The following IPCEF1 variants were observed in gnomAD, a reference collection of about 807,000 sequenced individuals.
IPCEF1 encodes interactor protein for cytohesin exchange factors 1.
IPCEF1 carries 31 observed loss-of-function variants against 50.9 expected under a neutral mutation model. The ratio of observed to expected loss-of-function variants is 0.61; its 90% confidence interval spans 0.46 to 0.82. The LOEUF (loss-of-function observed/expected upper bound fraction) is 0.82, where lower values mean the gene tolerates loss of function less well. IPCEF1 is among the 40% of genes least tolerant of loss of function. The probability of loss-of-function intolerance (pLI) is 0.00; values close to 1 mark genes in which losing one functional copy is unlikely to be tolerated. For synonymous variants in IPCEF1, 181 were observed against 192.0 expected, an observed-to-expected ratio of 0.94 and a Z score of 0.47; for missense variants, 458 against 514.0, an observed-to-expected ratio of 0.89 and a Z score of 1.05.
At chr6:154,223,287 CT>C in intron 5 of IPCEF1, 44 bp from the exon 6 acceptor site, 1 of 1,457,056 alleles carries the variant, frequency 6.9e-7, no homozygotes, top group East Asian at 2.3e-5. Flanking sequence ...TGCATCAATC[CT>C]GGGGATTAGT....
intron 2 of IPCEF1, among the ~76,000 whole-genome samples, chr6:154,274,268 GA>G (rs1396184376): frequency 6.6e-6 from 1 of 151,902 alleles, no homozygotes; most frequent in Non-Finnish European, 1.5e-5. Context: ...TTCAAACAGA[GA>G]AACTATGATG....
intron 3 of IPCEF1, among the ~76,000 whole-genome samples, chr6:154,248,497 T>C (rs989165542): frequency 2.0e-5 from 3 of 152,204 alleles, no homozygotes; most frequent in Admixed American, 2.0e-4. Flanking sequence ...AGTTCCAAAA[T>C]TTGGTATGTA....
At position 154,246,731 on chromosome 6, in the gene IPCEF1, A is replaced by C. The variant is rs375984465; in HGVS notation, c.106T>G (p.Ser36Ala). 3 of 1,613,876 alleles carry C rather than the reference A, an allele frequency of 1.9e-6. No homozygotes were observed. In the African/African-American group the frequency reaches 4.0e-5, roughly 22 times the overall value. The change falls in exon 5 of 12, where the codon TCG (serine) becomes GCG (alanine). Residue 36 changes from serine to alanine, a missense_variant. Transcript: ENST00000367220. Reference sequence around the variant, plus strand: ...TCAGCATGGCCCAGATCTTTACACGATATCCTCCTCCGACTCATCGTGAGA... The same window carrying C: ...TCAGCATGGCCCAGATCTTTACACGCTATCCTCCTCCGACTCATCGTGAGA... ...GFLTMSRRRI[S>A]CKDLGHADCQ...
At chr6:154,347,436 C>G (rs1784052793) in intron 1 of IPCEF1, among the ~76,000 whole-genome samples, 1 of 152,152 alleles carries the variant, frequency 6.6e-6, no homozygotes, top group African/African-American at 2.4e-5. Flanking sequence ...ACAGCACTTC[C>G]TAGAGCTATT....
chr6:154,322,925 C>T (rs968328686), intron 1 of IPCEF1, among the ~76,000 whole-genome samples: 1 of 152,004 alleles, frequency 6.6e-6, no homozygotes, highest in African/African-American at 2.4e-5. Flanking sequence ...ATGAACTATA[C>T]TTGAAATCTC....
intron 2 of IPCEF1, among the ~76,000 whole-genome samples, chr6:154,276,208 AGAGAG>A: frequency 6.6e-6 from 1 of 151,360 alleles, no homozygotes; most frequent in East Asian, 2.0e-4. Flanking sequence ...AAAGAGAAAA[AGAGAG>A]AGAGAGAGAA....
chr6:154,321,702 C>T (rs148238579), intron 1 of IPCEF1, among the ~76,000 whole-genome samples: 37 of 147,748 alleles, frequency 2.5e-4, no homozygotes, highest in African/African-American at 8.7e-4. Context: ...ATTGCTTGAA[C>T]CTGGGAGGCA....
intron 2 of IPCEF1, among the ~76,000 whole-genome samples, chr6:154,283,046 C>T (rs1211858751): frequency 1.3e-5 from 2 of 151,950 alleles, no homozygotes; most frequent in East Asian, 3.9e-4. Flanking sequence ...GTAATCCCAG[C>T]ACTTTGGGAG....
rs1465851368 is a variant in IPCEF1 at position 154,158,909 on chromosome 6, T to A, written c.*919A>T. 6.6e-6 allele frequency: 1 copy of A among 151,786 alleles called. No individual in the cohort carries two copies. Among genetic ancestry groups the A allele is most frequent in the Non-Finnish European group, 1.5e-5 (1 of 68,040 alleles). 9.4% of individuals were successfully genotyped at this position (151,786 alleles called of 1,614,324 possible). On this transcript the variant is annotated 3_prime_UTR_variant, in exon 12 of 12. Transcript: ENST00000367220. ...CTTTTGTTGCTTCCATGGGTTTTTG[T>A]TTTTTTGTTTTTTTGAGTAAAGATA...
intron 1 of IPCEF1, among the ~76,000 whole-genome samples, chr6:154,302,726 C>T (rs1019753669): frequency 1.3e-5 from 2 of 152,056 alleles, no homozygotes; most frequent in Non-Finnish European, 2.9e-5. Flanking sequence ...CCCCCAGCCT[C>T]GGCCTCCCAA....
chr6:154,225,955 C>G (rs775081252), intron 5 of IPCEF1, among the ~76,000 whole-genome samples: 10 of 152,180 alleles, frequency 6.6e-5, no homozygotes, highest in Non-Finnish European at 1.0e-4. Flanking sequence ...TAATTGAACT[C>G]TAAGTGACGC....
intron 1 of IPCEF1, among the ~76,000 whole-genome samples, chr6:154,344,649 T>C (rs999773076): frequency 3.3e-5 from 5 of 152,136 alleles, no homozygotes; most frequent in Admixed American, 6.5e-5. Flanking sequence ...CCAACTACCA[T>C]CACAGATGGC....
chr6:154,244,457 A>T (rs1017218053), intron 5 of IPCEF1, among the ~76,000 whole-genome samples: 1 of 152,154 alleles, frequency 6.6e-6, no homozygotes, highest in Non-Finnish European at 1.5e-5. Context: ...TCTCCATTCA[A>T]TGCTGCTAAT....
At chr6:154,222,967 C>T (rs1443994356) in intron 6 of IPCEF1, 7 of 592,554 alleles carry the variant, frequency 1.2e-5, no homozygotes, top group Admixed American at 5.7e-5. Context: ...TTTTAAAATC[C>T]ATCTGCTCCA....
In IPCEF1 at chr6:154,186,529, C is replaced by T. The variant is rs565864653; in HGVS notation, c.910+13139G>A. ...GCAGATGCTCCCTCATGTCCGTGCA[C>T]GGAGCCAGAGCAGCTCCTTTCTTTC... On this transcript the variant is annotated intron_variant, in intron 10 of 11. Transcript: ENST00000367220. Among the ~76,000 whole-genome samples, 5 of 152,208 alleles carry T rather than the reference C, an allele frequency of 3.3e-5. No individual in the cohort carries two copies. The East Asian group carries it at 7.7e-4, about 24-fold the overall frequency.
At chr6:154,279,343 A>AAAAGGGTATAAAAAGGGT (rs1782150971) in intron 2 of IPCEF1, among the ~76,000 whole-genome samples, 1 of 152,218 alleles carries the variant, frequency 6.6e-6, no homozygotes, top group Non-Finnish European at 1.5e-5. Context: ...AAAGGGTATA[A>AAAAGGGTATAAAAAGGGT]ATAAATGGAA....
intron 5 of IPCEF1, among the ~76,000 whole-genome samples, chr6:154,236,802 A>C (rs960423317): frequency 2.0e-5 from 3 of 152,172 alleles, no homozygotes; most frequent in African/African-American, 7.2e-5. Context: ...CCTCAGCATC[A>C]GGGTAGAATC....
intron 9 of IPCEF1, among the ~76,000 whole-genome samples, chr6:154,204,463 T>G (rs1462347220): frequency 6.6e-6 from 1 of 152,104 alleles, no homozygotes. Context: ...AAACAAAAAA[T>G]AAACCAGTCA....
In IPCEF1 at chr6:154,312,197, A is replaced by G. The variant is rs558180038; in HGVS notation, c.-61-22441T>C. 5.3e-5 allele frequency among the ~76,000 whole-genome samples: 8 copies of G among 152,360 alleles called. No individual in the cohort carries two copies. The South Asian group carries it at 1.2e-3, about 24-fold the overall frequency. ...ATGAACCTGGAGGACATTTTGTTACATGAAATAAGCCAGTCACAAAAAGAT... is the reference window on the plus strand; with the variant it reads ...ATGAACCTGGAGGACATTTTGTTACGTGAAATAAGCCAGTCACAAAAAGAT... On this transcript the variant is annotated intron_variant, in intron 1 of 11. Transcript: ENST00000367220.
Sources: gnomAD v4.1 joint callset for allele counts (sites outside exome capture counted in the v4.1 genomes callset) on GRCh38, gnomAD v4.1.1 for gene constraint, MANE v1.5 for transcripts, NCBI Gene and HGNC (gene_info 2026-07-23, HGNC 2026-07-21) for gene names.